Variants in MATN2 observed in about 807,000 individuals in gnomAD.
MATN2 encodes the protein matrilin 2, also known as matrilin-2.
A neutral mutation model predicts 103.2 loss-of-function variants in MATN2; 69 were observed. That is an observed-to-expected ratio of 0.67 (90% confidence interval 0.55 to 0.82). The LOEUF (loss-of-function observed/expected upper bound fraction) is 0.82, where lower values mean the gene tolerates loss of function less well. MATN2 is among the 40% of genes least tolerant of loss of function. MATN2 has a pLI of 0.00. For missense variants in MATN2, 1,023 were observed against 1,211.5 expected (o/e 0.84, Z 2.31); for synonymous variants, 429 against 450.2 (o/e 0.95, Z 0.60).
chr8:97,881,287 C>T (rs1818244850), intron 1 of MATN2, among the ~76,000 whole-genome samples: 1 of 152,172 alleles, frequency 6.6e-6, no homozygotes, highest in Non-Finnish European at 1.5e-5. Context: ...CTAGTTAAAG[C>T]CCAGAGAGTT....
intron 2 of MATN2, among the ~76,000 whole-genome samples, chr8:97,902,720 C>A (rs1179147529): frequency 3.3e-5 from 5 of 152,068 alleles, no homozygotes; most frequent in African/African-American, 1.2e-4. Flanking sequence ...AAGCACCCAT[C>A]CCTTGCCTTA....
chr8:97,907,456 C>T (rs1284579411), intron 2 of MATN2, among the ~76,000 whole-genome samples: 1 of 151,174 alleles, frequency 6.6e-6, no homozygotes, highest in Non-Finnish European at 1.5e-5. Flanking sequence ...GGACTACAGG[C>T]GCCCGCCACC....
intron 5 of MATN2, among the ~76,000 whole-genome samples, chr8:97,971,982 G>A (rs1285208772): frequency 6.6e-6 from 1 of 151,824 alleles, no homozygotes; most frequent in East Asian, 1.9e-4. Context: ...GATCTCTTGA[G>A]CTCAGGAGTT....
intron 4 of MATN2, among the ~76,000 whole-genome samples, chr8:97,947,048 T>C (rs1193772370): frequency 6.6e-6 from 1 of 152,176 alleles, no homozygotes; most frequent in African/African-American, 2.4e-5. Context: ...AATGCAAGTT[T>C]GGTTTAACAT....
In MATN2 at chr8:98,030,471, T is replaced by C; in HGVS notation, c.2366T>C (p.Met789Thr). Reference protein sequence around the residue: ...ASKAKANGITMYAVGVGKAIE... With the variant: ...ASKAKANGITTYAVGVGKAIE... ...TTTTCCTGCACCCTAGGTATCACTATGTATGCTGTTGGGGTAGGAAAAGCC... is the reference window on the plus strand; with the variant it reads ...TTTTCCTGCACCCTAGGTATCACTACGTATGCTGTTGGGGTAGGAAAAGCC... Residue 789 changes from methionine (M) to threonine (T), a missense_variant, in exon 15 of 19, where the codon ATG (methionine) becomes ACG (threonine). Transcript: ENST00000254898. 1.2e-6 allele frequency: 2 copies of C among 1,613,358 alleles called. No homozygotes were observed. Among genetic ancestry groups the C allele is most frequent in the South Asian group, 1.1e-5 (1 of 90,944 alleles).
chr8:97,961,370 G>T, intron 4 of MATN2, 38 bp from the exon 5 acceptor site: 1 of 1,573,396 alleles, frequency 6.4e-7, no homozygotes, highest in Non-Finnish European at 8.6e-7. Context: ...TCTCAGGTGT[G>T]CCTGACGTTG....
At chr8:97,900,953 T>TA (rs1159132972) in intron 2 of MATN2, among the ~76,000 whole-genome samples, 3 of 152,004 alleles carry the variant, frequency 2.0e-5, no homozygotes, top group Admixed American at 2.0e-4. Context: ...CAAAAAAAGA[T>TA]ATACTGAGAA....
rs75831947 is a variant in MATN2, at chr8:97,872,826, G to A, written c.-27+3539G>A. On this transcript the variant is annotated intron_variant, in intron 1 of 18. Transcript: ENST00000254898. ...TTTTTTTTTTTCAAGACAGAGTCTC[G>A]TTCTATCGCCCACGCTAGAGTGCAG... Among the ~76,000 whole-genome samples, 36 of 150,206 alleles carry A rather than the reference G, an allele frequency of 2.4e-4. No homozygotes were observed. The East Asian group carries it at 4.7e-3, about 20-fold the overall frequency.
chr8:97,945,930 C>T (rs1810739913), intron 4 of MATN2, among the ~76,000 whole-genome samples: 1 of 152,096 alleles, frequency 6.6e-6, no homozygotes. Context: ...TATTACAAAA[C>T]ACCTGAATCC....
chr8:97,946,504 A>AT (rs1933047950), intron 4 of MATN2, among the ~76,000 whole-genome samples: 1 of 152,190 alleles, frequency 6.6e-6, no homozygotes, highest in Admixed American at 6.6e-5. Flanking sequence ...TTTAAAAAAA[A>AT]TGGGGGGAAA....
intron 13 of MATN2, 112 bp downstream of exon 13, chr8:98,021,439 G>A (rs1586165025): frequency 5.1e-6 from 6 of 1,175,086 alleles, no homozygotes; most frequent in African/African-American, 1.5e-5. Flanking sequence ...AAATATAAAT[G>A]CATATGCACA....
chr8:97,952,400 C>T (rs558718002), intron 4 of MATN2: 1 of 152,414 alleles, frequency 6.6e-6, no homozygotes, highest in South Asian at 2.1e-4. Flanking sequence ...GTCTAAAATT[C>T]TGAAACGTTG....
chr8:97,948,352 C>T (rs1038394043), intron 4 of MATN2, among the ~76,000 whole-genome samples: 5 of 152,050 alleles, frequency 3.3e-5, no homozygotes, highest in Non-Finnish European at 7.4e-5. Flanking sequence ...GGCAGATTCA[C>T]AAATATGGAA....
intron 6 of MATN2, among the ~76,000 whole-genome samples, chr8:97,989,781 A>G (rs1289119436): frequency 6.6e-6 from 1 of 152,224 alleles, no homozygotes; most frequent in Non-Finnish European, 1.5e-5. Context: ...TACTAGAACT[A>G]TTAATAGCAA....
intron 4 of MATN2, among the ~76,000 whole-genome samples, chr8:97,957,178 G>A (rs2130245619): frequency 6.6e-6 from 1 of 152,310 alleles, no homozygotes; most frequent in African/African-American, 2.4e-5. Context: ...ATTTGACTGG[G>A]GTTGTGAGCC....
Position 98,027,751 on chromosome 8 carries a change from C to G in MATN2, c.2278C>G (p.Pro760Ala), listed in dbSNP as rs1271193632. The change falls in exon 14 of 19, where the codon CCC (proline) becomes GCC (alanine). Residue 760 changes from proline (P) to alanine (A), a missense_variant. Pro to Ala is a conservative substitution (Grantham distance 27). Transcript: ENST00000254898. ...EGARPLSTRV[P>A]RAAIVFTDGR... ...GGCCAGGCCCCTTTCCACAAGGGTG[C>G]CCAGAGCAGCCATTGTGTTCACCGA... 1.9e-6 allele frequency: 3 copies of G among 1,611,568 alleles called. No individual in the cohort carries two copies. The highest frequency in any genetic ancestry group is 2.5e-6 in the Non-Finnish European group (3 of 1,179,218).
At chr8:97,928,175 TA>T (rs1810055598) in intron 2 of MATN2, among the ~76,000 whole-genome samples, 1 of 150,400 alleles carries the variant, frequency 6.6e-6, no homozygotes, top group Non-Finnish European at 1.5e-5. Context: ...GGCTATATGC[TA>T]AACCACAGGA....
intron 10 of MATN2, among the ~76,000 whole-genome samples, chr8:98,013,293 A>G (rs1813236950): frequency 6.6e-6 from 1 of 152,200 alleles, no homozygotes; most frequent in Non-Finnish European, 1.5e-5. Flanking sequence ...GAAACTGGAC[A>G]TTTTGCTGAA....
At chr8:98,023,020 G>A (rs57773259) in intron 13 of MATN2, among the ~76,000 whole-genome samples, 6,196 of 152,168 alleles carry the variant, frequency 0.041, 415 homozygotes, top group African/African-American at 0.14. Flanking sequence ...CCTGGGAGGC[G>A]GAGGTTGCAG....
Sources: gnomAD v4.1 joint callset for allele counts (sites outside exome capture counted in the v4.1 genomes callset) on GRCh38, gnomAD v4.1.1 for gene constraint, MANE v1.5 for transcripts, NCBI Gene and HGNC (gene_info 2026-07-23, HGNC 2026-07-21) for gene names.